WDR27: variants seen among roughly 807,000 people sequenced by gnomAD.
WDR27 encodes WD repeat domain 27.
In WDR27, 100 loss-of-function variants were observed where a neutral mutation model predicts 114.4. The ratio of observed to expected loss-of-function variants is 0.87; its 90% CI spans 0.74 to 1.03. WDR27 has a LOEUF of 1.03. Among genes scored for constraint, WDR27 ranks in the 50% least tolerant of loss-of-function variants. The probability of loss-of-function intolerance (pLI) is 0.00; values close to 1 mark genes in which losing one functional copy is unlikely to be tolerated. For synonymous variants in WDR27, 449 were observed against 423.1 expected (o/e 1.06, Z -0.75); for missense variants, 1,129 against 1,092.9 (o/e 1.03, Z -0.47).
chr6:169,465,009 C>A (rs773765302), intron 25 of WDR27, among the ~76,000 whole-genome samples: 9 of 151,640 alleles, frequency 5.9e-5, no homozygotes, highest in Non-Finnish European at 1.3e-4. Context: ...GTAATCCCAG[C>A]ACACTTTGGG....
intron 1 of WDR27, among the ~76,000 whole-genome samples, chr6:169,699,738 T>C (rs1787340886): frequency 6.6e-6 from 1 of 152,142 alleles, no homozygotes; most frequent in South Asian, 2.1e-4. Context: ...TCCCAGCACT[T>C]TGTGGGGCCG....
chr6:169,483,655 T>A (rs1007865462), intron 25 of WDR27, among the ~76,000 whole-genome samples: 10 of 152,114 alleles, frequency 6.6e-5, no homozygotes, highest in African/African-American at 2.4e-4. Context: ...ACTCATTCTA[T>A]GATGCCAGCA....
chr6:169,627,782 G>A (rs1815245013), intron 21 of WDR27, among the ~76,000 whole-genome samples: 1 of 152,202 alleles, frequency 6.6e-6, no homozygotes, highest in African/African-American at 2.4e-5. Flanking sequence ...ACAGCATCCA[G>A]GCAGAGGAAC....
chr6:169,528,772 C>T (rs1795238801), intron 25 of WDR27, among the ~76,000 whole-genome samples: 1 of 152,194 alleles, frequency 6.6e-6, no homozygotes, highest in Non-Finnish European at 1.5e-5. Flanking sequence ...AGTGATCCGC[C>T]CGCTTCAGCC....
chr6:169,637,882 G>A (rs531943945), intron 18 of WDR27, among the ~76,000 whole-genome samples: 16 of 152,004 alleles, frequency 1.1e-4, no homozygotes, highest in Admixed American at 6.5e-4. Flanking sequence ...GTAAGTGTGC[G>A]TATGTGTATG....
At chr6:169,640,361 TAACTC>T (rs1818854490) in intron 17 of WDR27, among the ~76,000 whole-genome samples, 1 of 152,154 alleles carries the variant, frequency 6.6e-6, no homozygotes, top group African/African-American at 2.4e-5. Context: ...AATATGAACA[TAACTC>T]AGTTCTGCAA....
chr6:169,453,359 A>T (rs1411167898), downstream of WDR27, among the ~76,000 whole-genome samples: 2 of 152,108 alleles, frequency 1.3e-5, no homozygotes, highest in African/African-American at 4.8e-5. Context: ...CTATTAATGC[A>T]ACTTCAGAAT....
intron 23 of WDR27, among the ~76,000 whole-genome samples, chr6:169,595,665 T>C (rs1342736407): frequency 3.3e-5 from 5 of 152,322 alleles, no homozygotes; most frequent in African/African-American, 1.2e-4. Context: ...AGATAGAATA[T>C]TTACAAAGTA....
intron 16 of WDR27, chr6:169,647,544 G>A (rs1294917688): frequency 1.6e-6 from 1 of 611,106 alleles, no homozygotes. Flanking sequence ...GTGAGTGCCA[G>A]TGTCTGTGCC....
At chr6:169,687,571 T>C (rs564440443) in intron 2 of WDR27, among the ~76,000 whole-genome samples, 2 of 152,232 alleles carry the variant, frequency 1.3e-5, no homozygotes, top group South Asian at 2.1e-4. Flanking sequence ...CAAGTGTAGG[T>C]GAAGATATGG....
chr6:169,540,180 G>C (rs1422648134), intron 25 of WDR27, among the ~76,000 whole-genome samples: 1 of 152,006 alleles, frequency 6.6e-6, no homozygotes, highest in Non-Finnish European at 1.5e-5. Flanking sequence ...CCTTCTCTAT[G>C]GCCCCTAGAA....
At chr6:169,589,988 G>T (rs918685236) in intron 23 of WDR27, among the ~76,000 whole-genome samples, 7 of 15,492 alleles carry the variant, frequency 4.5e-4, no homozygotes, top group African/African-American at 1.2e-3. Context: ...TCAGGCAAAA[G>T]ATGAGGATGT....
intron 2 of WDR27, 76 bp from the exon 3 acceptor site, chr6:169,672,472 T>G: frequency 7.3e-7 from 1 of 1,364,654 alleles, no homozygotes; most frequent in South Asian, 1.6e-5. Flanking sequence ...ACTTCAAACC[T>G]AAGAAATTAA....
chr6:169,551,126 T>G (rs1394626769), intron 25 of WDR27, among the ~76,000 whole-genome samples: 2 of 152,224 alleles, frequency 1.3e-5, no homozygotes, highest in African/African-American at 4.8e-5. Context: ...GCGTTTGAGC[T>G]GGCATGTCCA....
At chr6:169,453,553 C>T (rs1168321374), downstream of WDR27, among the ~76,000 whole-genome samples, 1 of 152,182 alleles carries the variant, frequency 6.6e-6, no homozygotes, top group African/African-American at 2.4e-5. Context: ...TTGAAGTCCT[C>T]ATGTTAGTGA....
intron 21 of WDR27, among the ~76,000 whole-genome samples, chr6:169,625,736 C>G (rs996069451): frequency 1.3e-5 from 2 of 152,216 alleles, no homozygotes; most frequent in African/African-American, 4.8e-5. Context: ...CTGCTCAGAT[C>G]TCACGCCGGC....
At chr6:169,696,674 G>A (rs1213263965) in intron 1 of WDR27, among the ~76,000 whole-genome samples, 1 of 152,172 alleles carries the variant, frequency 6.6e-6, no homozygotes, top group Non-Finnish European at 1.5e-5. Context: ...CAGCACTTTG[G>A]GAGGCTGAGG....
At chr6:169,489,596 A>C (rs1789462036) in intron 25 of WDR27, among the ~76,000 whole-genome samples, 1 of 152,098 alleles carries the variant, frequency 6.6e-6, no homozygotes, top group South Asian at 2.1e-4. Flanking sequence ...CTACCACCTG[A>C]TCAGGACATT....
chr6:169,475,685 T>C (rs1180295693), intron 25 of WDR27, among the ~76,000 whole-genome samples: 2 of 152,250 alleles, frequency 1.3e-5, no homozygotes, highest in South Asian at 2.1e-4. Flanking sequence ...ATATTTAATA[T>C]GTATCAAGCC....
Sources: allele counts gnomAD v4.1 joint callset (sites outside exome capture counted in the v4.1 genomes callset), GRCh38; gene constraint gnomAD v4.1.1; transcripts MANE v1.5; gene names NCBI Gene and HGNC (gene_info 2026-07-23, HGNC 2026-07-21).